The following RIT2 variants were observed in gnomAD, a reference collection of about 807,000 sequenced individuals.
RIT2 encodes Ras like without CAAX 2.
RIT2 carries 24 observed loss-of-function variants against 23.7 expected under a neutral mutation model. That is an observed-to-expected ratio of 1.01 (90% CI 0.73 to 1.43). The LOEUF is 1.43. Among genes scored for constraint, RIT2 ranks in the 40% most tolerant of loss-of-function variants. The pLI, the probability that RIT2 is intolerant of heterozygous loss-of-function variation, is 0.00. For missense variants in RIT2, 236 were observed against 266.9 expected (o/e 0.88, Z 0.81); for synonymous variants, 107 against 91.1 (o/e 1.17, Z -0.99).
At chr18:42,780,474 T>C (rs950621542) in intron 4 of RIT2, among the ~76,000 whole-genome samples, 2 of 152,108 alleles carry the variant, frequency 1.3e-5, no homozygotes, top group African/African-American at 4.8e-5. Flanking sequence ...TTAAAAGGTG[T>C]CAGACTCTCT....
intron 4 of RIT2, among the ~76,000 whole-genome samples, chr18:42,773,421 G>C (rs1054692523): frequency 1.3e-5 from 2 of 152,212 alleles, no homozygotes; most frequent in African/African-American, 4.8e-5. Context: ...TCTAGATCAT[G>C]AGTGTGGCAA....
chr18:42,795,763 G>T (rs904989473), intron 4 of RIT2, among the ~76,000 whole-genome samples: 1 of 152,312 alleles, frequency 6.6e-6, no homozygotes, highest in Non-Finnish European at 1.5e-5. Flanking sequence ...TCGGCACTCT[G>T]TATCTAGCTC....
At chr18:42,873,439 C>G (rs547565357) in intron 4 of RIT2, among the ~76,000 whole-genome samples, 15 of 152,066 alleles carry the variant, frequency 9.9e-5, no homozygotes, top group Non-Finnish European at 1.9e-4. Context: ...TGATTTTTGA[C>G]TGGTTGAGAA....
chr18:42,836,074 C>T (rs1906595356), intron 4 of RIT2, among the ~76,000 whole-genome samples: 1 of 152,056 alleles, frequency 6.6e-6, no homozygotes, highest in South Asian at 2.1e-4. Flanking sequence ...CTTCTTACTC[C>T]CATTTCAAAG....
At chr18:43,056,798 C>T (rs1042375438) in intron 1 of RIT2, among the ~76,000 whole-genome samples, 1 of 152,072 alleles carries the variant, frequency 6.6e-6, no homozygotes, top group African/African-American at 2.4e-5. Context: ...CTGGGCTTCG[C>T]CAGGGAGGAA....
chr18:42,747,397 T>C (rs1167920449), intron 4 of RIT2, among the ~76,000 whole-genome samples: 2 of 151,934 alleles, frequency 1.3e-5, no homozygotes, highest in African/African-American at 4.8e-5. Context: ...AAAGAAATCA[T>C]AGACGACACA....
chr18:42,956,658 A>G (rs1909977364), intron 3 of RIT2, among the ~76,000 whole-genome samples: 1 of 152,130 alleles, frequency 6.6e-6, no homozygotes, highest in African/African-American at 2.4e-5. Flanking sequence ...TCAATGGGCA[A>G]CAGGAAGCAG....
intron 4 of RIT2, among the ~76,000 whole-genome samples, chr18:42,776,699 G>A (rs749714523): frequency 4.2e-5 from 6 of 143,174 alleles, no homozygotes; most frequent in African/African-American, 1.2e-4. Context: ...CTTACCAAAA[G>A]TTTTGCACAA....
chr18:43,021,061 C>G (rs902258143), intron 2 of RIT2, among the ~76,000 whole-genome samples: 1 of 151,958 alleles, frequency 6.6e-6, no homozygotes, highest in East Asian at 1.9e-4. Flanking sequence ...AAACAGTCAA[C>G]AAAATGAAGA....
chr18:42,833,977 T>C (rs1667027616), intron 4 of RIT2, among the ~76,000 whole-genome samples: 1 of 152,180 alleles, frequency 6.6e-6, no homozygotes. Context: ...ATGGTGCTAT[T>C]GATTTTAGAC....
At chr18:42,970,250 A>T (rs76237721) in intron 3 of RIT2, among the ~76,000 whole-genome samples, 5,716 of 145,838 alleles carry the variant, frequency 0.039, 154 homozygotes, top group Middle Eastern at 0.12. Flanking sequence ...TCATTGTAAG[A>T]AAAACTCTTT....
intron 2 of RIT2, among the ~76,000 whole-genome samples, chr18:43,002,641 G>A (rs1181223457): frequency 1.3e-5 from 2 of 151,904 alleles, no homozygotes; most frequent in South Asian, 2.1e-4. Flanking sequence ...GCATTGATGA[G>A]CCACCGGGGA....
chr18:43,111,210 C>T (rs1382209452), intron 1 of RIT2, among the ~76,000 whole-genome samples: 1 of 152,076 alleles, frequency 6.6e-6, no homozygotes, highest in Non-Finnish European at 1.5e-5. Flanking sequence ...GAAAGACAAA[C>T]TTTGCATGGT....
intron 2 of RIT2, among the ~76,000 whole-genome samples, chr18:42,975,727 C>T (rs1598735760): frequency 1.3e-5 from 2 of 152,142 alleles, no homozygotes; most frequent in East Asian, 3.9e-4. Context: ...GGCTCCACTA[C>T]AGTTTCACAA....
chr18:42,876,684 G>A (rs938751784), intron 4 of RIT2, among the ~76,000 whole-genome samples: 21 of 151,620 alleles, frequency 1.4e-4, no homozygotes, highest in Non-Finnish European at 2.4e-4. Context: ...AAAGATTCAT[G>A]TTAATTTTAG....
chr18:42,962,693 T>C (rs1004909571), intron 3 of RIT2, among the ~76,000 whole-genome samples: 1 of 152,210 alleles, frequency 6.6e-6, no homozygotes, highest in African/African-American at 2.4e-5. Flanking sequence ...AAGATACTTA[T>C]TAGCTTAGTG....
chr18:42,846,565 C>T (rs1906914914), intron 4 of RIT2, among the ~76,000 whole-genome samples: 1 of 151,788 alleles, frequency 6.6e-6, no homozygotes, highest in African/African-American at 2.4e-5. Flanking sequence ...CAAACCAAAT[C>T]CATCAATATA....
At chr18:42,878,890 C>T (rs1371639853) in intron 4 of RIT2, among the ~76,000 whole-genome samples, 2 of 144,568 alleles carry the variant, frequency 1.4e-5, no homozygotes, top group African/African-American at 2.6e-5. Flanking sequence ...ATCTTTATGG[C>T]GTATTTTGAC....
At chr18:42,812,793 T>C (rs955765663) in intron 4 of RIT2, among the ~76,000 whole-genome samples, 9 of 152,208 alleles carry the variant, frequency 5.9e-5, no homozygotes, top group Non-Finnish European at 1.2e-4. Context: ...TTGTGACTTA[T>C]ATTTATCCTG....
Sources: gnomAD v4.1 joint callset for allele counts (sites outside exome capture counted in the v4.1 genomes callset) on GRCh38, gnomAD v4.1.1 for gene constraint, MANE v1.5 for transcripts, NCBI Gene and HGNC (gene_info 2026-07-23, HGNC 2026-07-21) for gene names.